SLC4A10: variants seen among roughly 807,000 people sequenced by gnomAD.
SLC4A10 encodes sodium-driven chloride bicarbonate exchanger.
Under a neutral mutation model 137.7 loss-of-function variants are expected in SLC4A10, and 42 were observed. The observed-to-expected ratio is 0.30, with a 90% CI of 0.24 to 0.39. The LOEUF is 0.39. Among genes scored for constraint, SLC4A10 ranks in the 10% least tolerant of loss-of-function variants. SLC4A10 has a pLI of 1.00. For missense variants in SLC4A10, 925 were observed against 1,355.0 expected (o/e 0.68, Z 4.98); for synonymous variants, 474 against 464.1 (o/e 1.02, Z -0.27).
At chr2:161,755,290 T>C (rs1229999678) in intron 1 of SLC4A10, among the ~76,000 whole-genome samples, 1 of 152,212 alleles carries the variant, frequency 6.6e-6, no homozygotes, top group Non-Finnish European at 1.5e-5. Context: ...ATCACATTAA[T>C]TCATTATTTC....
intron 5 of SLC4A10, among the ~76,000 whole-genome samples, chr2:161,858,366 C>T (rs906932929): frequency 1.3e-5 from 2 of 152,032 alleles, no homozygotes; most frequent in East Asian, 1.9e-4. Context: ...TTTTTGTAGA[C>T]TTAGTAGCAG....
chr2:161,891,353 T>C (rs539322553), intron 10 of SLC4A10, among the ~76,000 whole-genome samples: 2 of 152,256 alleles, frequency 1.3e-5, no homozygotes, highest in South Asian at 4.1e-4. Context: ...CCTTGCTAGG[T>C]TGGGGAAGTT....
intron 6 of SLC4A10, among the ~76,000 whole-genome samples, chr2:161,871,107 A>C (rs961420993): frequency 2.0e-5 from 3 of 152,032 alleles, no homozygotes; most frequent in Admixed American, 6.6e-5. Context: ...TAGGTAACAA[A>C]GAATAAGTGG....
intron 8 of SLC4A10, among the ~76,000 whole-genome samples, chr2:161,876,172 CA>C (rs897960322): frequency 6.6e-6 from 1 of 152,066 alleles, no homozygotes; most frequent in African/African-American, 2.4e-5. Flanking sequence ...AATACAGACC[CA>C]GAAGAGTATA....
chr2:161,958,100 T>TC (rs5835888), intron 20 of SLC4A10, among the ~76,000 whole-genome samples: 57,070 of 151,986 alleles, frequency 0.38, 11,386 homozygotes, highest in Admixed American at 0.46. Flanking sequence ...TTAGCTTCAT[T>TC]TTTAATCCAC....
In SLC4A10 at chr2:161,904,767, T is replaced by C. The variant is rs1248932284; in HGVS notation, c.1618-9T>C. On this transcript the variant is annotated splice_polypyrimidine_tract_variant and intron_variant, in intron 13 of 26. Coordinates refer to ENST00000446997, the MANE Select transcript of SLC4A10 (RefSeq NM_001178015.2). ...CTTAGGTAATTGAACCATTTATATCTCTACACAGAGTGCAATTGAATCTCT... is the reference window on the plus strand; with the variant it reads ...CTTAGGTAATTGAACCATTTATATCCCTACACAGAGTGCAATTGAATCTCT... 1 of 1,613,898 alleles carries C rather than the reference T, an allele frequency of 6.2e-7. No individual in the cohort carries two copies.
chr2:161,946,446 G>T (rs1693817956), intron 16 of SLC4A10, among the ~76,000 whole-genome samples: 1 of 151,990 alleles, frequency 6.6e-6, no homozygotes, highest in Admixed American at 6.6e-5. Flanking sequence ...AAGTTGGGCA[G>T]ACTCTGTGTT....
intron 2 of SLC4A10, among the ~76,000 whole-genome samples, chr2:161,789,931 T>C (rs2054028850): frequency 6.6e-6 from 1 of 152,176 alleles, no homozygotes; most frequent in African/African-American, 2.4e-5. Context: ...GGTCAAATTG[T>C]GGAGAATGAA....
rs373143256 is a variant in SLC4A10 at position 161,964,302 on chromosome 2, C to T, written c.3030C>T (p.Pro1010=). ...IKVSRAAIVF[P]MMVLALVFVR... is the part of the protein sequence containing the mutation. ...TTTCAAGAGCTGCTATTGTCTTTCCCATGATGGTATGAAACTTCTGTCAAC... is the reference window on the plus strand; with the variant it reads ...TTTCAAGAGCTGCTATTGTCTTTCCTATGATGGTATGAAACTTCTGTCAAC... Residue 1010 remains proline (P), a synonymous_variant, in exon 22 of 27, where the codon CCC becomes CCT. Coordinates refer to ENST00000446997, the MANE Select transcript of SLC4A10 (RefSeq NM_001178015.2). 36 of 1,613,154 alleles carry T rather than the reference C, an allele frequency of 2.2e-5. No homozygotes were observed. Among genetic ancestry groups the T allele is most frequent in the Non-Finnish European group, 3.0e-5 (35 of 1,179,520 alleles).
At chr2:161,751,225 T>C (rs2048931279) in intron 1 of SLC4A10, among the ~76,000 whole-genome samples, 2 of 151,772 alleles carry the variant, frequency 1.3e-5, no homozygotes, top group African/African-American at 4.8e-5. Flanking sequence ...CACTGGGGAG[T>C]TTAGTTCATT....
intron 3 of SLC4A10, among the ~76,000 whole-genome samples, chr2:161,809,319 C>T (rs1215872789): frequency 6.6e-6 from 1 of 152,146 alleles, no homozygotes; most frequent in East Asian, 1.9e-4. Context: ...TATTTTCTCC[C>T]ATTCTGTAAG....
intron 1 of SLC4A10, among the ~76,000 whole-genome samples, chr2:161,723,308 T>A (rs2045888738): frequency 6.6e-6 from 1 of 152,154 alleles, no homozygotes; most frequent in African/African-American, 2.4e-5. Flanking sequence ...CTTTGCTCTG[T>A]GTGGCTCATG....
chr2:161,882,301 A>T lies in SLC4A10; in HGVS notation c.1107-56A>T, dbSNP rs372812155. ...CCTTTGAGATGAGTGATTCTGTATT[A>T]CTAAAATTATTTTTATATTTCTACC... is the stretch of plus-strand genomic sequence containing the variant. On this transcript the variant is annotated intron_variant, in intron 9 of 26. Transcript: ENST00000446997. 27 of 1,064,356 alleles carry T rather than the reference A, an allele frequency of 2.5e-5. No homozygotes were observed. In the African/African-American group the frequency reaches 4.2e-4, roughly 17 times the overall value. 65.9% of individuals were successfully genotyped at this position (1,064,356 alleles called of 1,614,324 possible). A position where few individuals can be genotyped will look rare whatever the true frequency, so the allele number is the denominator to read the frequency against.
intron 3 of SLC4A10, among the ~76,000 whole-genome samples, chr2:161,808,380 C>G (rs1456169007): frequency 6.6e-6 from 1 of 152,054 alleles, no homozygotes; most frequent in Non-Finnish European, 1.5e-5. Flanking sequence ...TTGCCTTGCT[C>G]ATATCCCTTT....
chr2:161,928,715 T>A (rs1689735754), intron 15 of SLC4A10, among the ~76,000 whole-genome samples: 1 of 150,132 alleles, frequency 6.7e-6, no homozygotes, highest in South Asian at 2.1e-4. Flanking sequence ...TTTATTTCTA[T>A]CAGTGTAGCC....
At chr2:161,715,137 G>A (rs926811510) in intron 1 of SLC4A10, among the ~76,000 whole-genome samples, 2 of 152,058 alleles carry the variant, frequency 1.3e-5, no homozygotes. Flanking sequence ...AAAATTGCCT[G>A]CAAAGGATAG....
At chr2:161,686,834 G>C (rs908264760) in intron 1 of SLC4A10, among the ~76,000 whole-genome samples, 5 of 151,816 alleles carry the variant, frequency 3.3e-5, no homozygotes, top group Admixed American at 6.6e-5. Flanking sequence ...GCAGCCCCAA[G>C]GGCTGCTGGT....
intron 23 of SLC4A10, 56 bp from the exon 24 acceptor site, chr2:161,974,193 A>G: frequency 7.2e-7 from 1 of 1,385,568 alleles, no homozygotes; most frequent in South Asian, 1.3e-5. Flanking sequence ...TTCTTCTTTA[A>G]TGTAAAATGG....
rs1384473182 is a variant in SLC4A10 at position 161,665,841 on chromosome 2, C to T, written c.48+41275C>T. On this transcript the variant is annotated intron_variant, in intron 1 of 26. Coordinates refer to ENST00000446997, the MANE Select transcript of SLC4A10 (RefSeq NM_001178015.2). Reference sequence around the variant, plus strand: ...GAGTCCAGAGGCCATCTTTTCAGTACAATTTGTGTGTTGGTTGTCATGAGC... The same window carrying T: ...GAGTCCAGAGGCCATCTTTTCAGTATAATTTGTGTGTTGGTTGTCATGAGC... Among the ~76,000 whole-genome samples the T allele has an allele frequency of 5.3e-5, 8 of 150,900 alleles. No homozygotes were observed. In the East Asian group the frequency reaches 1.5e-3, roughly 29 times the overall value.
Sources: gnomAD v4.1 joint callset for allele counts (sites outside exome capture counted in the v4.1 genomes callset) on GRCh38, gnomAD v4.1.1 for gene constraint, MANE v1.5 for transcripts, NCBI Gene and HGNC (gene_info 2026-07-23, HGNC 2026-07-21) for gene names.